Variants in GMDS observed in about 807,000 individuals in gnomAD.
The protein encoded by GMDS is GDP-mannose 4,6 dehydratase.
GMDS carries 20 observed loss-of-function variants against 49.9 expected under a neutral mutation model. The ratio of observed to expected loss-of-function variants is 0.40; its 90% CI spans 0.28 to 0.58. The LOEUF (loss-of-function observed/expected upper bound fraction) is 0.58, where lower values mean the gene tolerates loss of function less well. Ranked by LOEUF, GMDS falls within the 20% of genes least tolerant of loss-of-function variation. The probability of loss-of-function intolerance (pLI) is 0.42; values close to 1 mark genes in which losing one functional copy is unlikely to be tolerated. For synonymous variants in GMDS, 177 were observed against 178.6 expected, an observed-to-expected ratio of 0.99 and a Z score of 0.07; for missense variants, 362 against 481.4, an observed-to-expected ratio of 0.75 and a Z score of 2.32.
chr6:2,025,355 GGGGTGTGT>G (rs1488633193), intron 4 of GMDS, among the ~76,000 whole-genome samples: 208 of 120,244 alleles, frequency 1.7e-3, no homozygotes, highest in African/African-American at 6.5e-3. Flanking sequence ...ATCTGATGGT[GGGGTGTGT>G]GTGTGTGTGT....
intron 7 of GMDS, among the ~76,000 whole-genome samples, chr6:1,866,204 G>A (rs1250079998): frequency 6.6e-6 from 1 of 152,170 alleles, no homozygotes; most frequent in Non-Finnish European, 1.5e-5. Context: ...TGTTTAAAAT[G>A]TTTATATAGT....
chr6:1,671,956 C>T (rs1382226210), intron 9 of GMDS, among the ~76,000 whole-genome samples: 1 of 152,128 alleles, frequency 6.6e-6, no homozygotes. Context: ...AACCACCGCG[C>T]CTGGCCTATT....
At chr6:1,791,130 T>C (rs1335908292) in intron 7 of GMDS, among the ~76,000 whole-genome samples, 1 of 152,116 alleles carries the variant, frequency 6.6e-6, no homozygotes, top group Non-Finnish European at 1.5e-5. Flanking sequence ...GGAAACAGAT[T>C]CTCCCCCAGA....
intron 7 of GMDS, among the ~76,000 whole-genome samples, chr6:1,820,854 A>G (rs1408973568): frequency 6.6e-6 from 1 of 152,194 alleles, no homozygotes; most frequent in African/African-American, 2.4e-5. Context: ...ATCAGTTGAG[A>G]TTTCTCTGCC....
intron 9 of GMDS, among the ~76,000 whole-genome samples, chr6:1,687,438 G>A (rs747170898): frequency 9.9e-5 from 15 of 152,222 alleles, no homozygotes; most frequent in Non-Finnish European, 2.2e-4. Context: ...GTCAGGAGCT[G>A]CATTCAGGCC....
intron 9 of GMDS, among the ~76,000 whole-genome samples, chr6:1,704,146 C>T (rs1020217583): frequency 2.0e-5 from 3 of 152,242 alleles, no homozygotes; most frequent in East Asian, 3.9e-4. Context: ...ACAAGATCAA[C>T]GCTGATGATA....
chr6:1,880,494 G>A (rs886826838), intron 7 of GMDS, among the ~76,000 whole-genome samples: 1 of 152,068 alleles, frequency 6.6e-6, no homozygotes, highest in Non-Finnish European at 1.5e-5. Context: ...AAAAATGTAA[G>A]TGAGCTACGT....
intron 9 of GMDS, among the ~76,000 whole-genome samples, chr6:1,677,633 C>A (rs990224788): frequency 6.6e-6 from 1 of 152,030 alleles, no homozygotes; most frequent in African/African-American, 2.4e-5. Context: ...AGGATGAGTT[C>A]ATGTCTTTTG....
intron 2 of GMDS, among the ~76,000 whole-genome samples, chr6:2,121,581 C>A (rs998497417): frequency 6.6e-6 from 1 of 152,188 alleles, no homozygotes. Flanking sequence ...CAAGGCCCCA[C>A]GGCTTCAGGA....
chr6:2,063,561 A>G (rs1015408106), intron 4 of GMDS, among the ~76,000 whole-genome samples: 1 of 152,224 alleles, frequency 6.6e-6, no homozygotes, highest in Admixed American at 6.5e-5. Context: ...ACTATAATAA[A>G]TGTTAATATG....
chr6:1,995,635 G>A (rs1240522071), intron 4 of GMDS, among the ~76,000 whole-genome samples: 1 of 152,154 alleles, frequency 6.6e-6, no homozygotes, highest in Non-Finnish European at 1.5e-5. Flanking sequence ...GCCCCCAGCT[G>A]CACTGTCAAA....
chr6:1,973,525 T>C (rs896607005), intron 4 of GMDS, among the ~76,000 whole-genome samples: 1 of 152,068 alleles, frequency 6.6e-6, no homozygotes, highest in African/African-American at 2.4e-5. Context: ...AAGAGATAAA[T>C]AGAAGATTTA....
intron 7 of GMDS, among the ~76,000 whole-genome samples, chr6:1,867,134 G>A (rs1157955909): frequency 6.6e-6 from 1 of 152,130 alleles, no homozygotes. Flanking sequence ...CAATTCTGGT[G>A]AAATCTTTAA....
intron 7 of GMDS, among the ~76,000 whole-genome samples, chr6:1,914,272 C>T (rs1405542690): frequency 2.0e-5 from 3 of 150,012 alleles, no homozygotes; most frequent in Admixed American, 6.7e-5. Context: ...CTGGCTAACA[C>T]GGTGAAACCC....
At chr6:2,110,875 C>G (rs1009642014) in intron 4 of GMDS, among the ~76,000 whole-genome samples, 1 of 152,104 alleles carries the variant, frequency 6.6e-6, no homozygotes, top group African/African-American at 2.4e-5. Flanking sequence ...GTTTGTAACG[C>G]TGAGAAAGAA....
intron 7 of GMDS, among the ~76,000 whole-genome samples, chr6:1,886,468 T>C (rs1200691320): frequency 6.6e-6 from 1 of 152,190 alleles, no homozygotes; most frequent in Non-Finnish European, 1.5e-5. Context: ...GGCCTATAAA[T>C]CTAATAGTTA....
At chr6:1,819,671 G>GAATT (rs2113700014) in intron 7 of GMDS, among the ~76,000 whole-genome samples, 1 of 150,268 alleles carries the variant, frequency 6.7e-6, no homozygotes, top group South Asian at 2.1e-4. Flanking sequence ...AGAGGCAGGA[G>GAATT]AATTGCTTGA....
intron 1 of GMDS, among the ~76,000 whole-genome samples, chr6:2,179,397 C>A (rs1778421489): frequency 6.6e-6 from 1 of 152,130 alleles, no homozygotes; most frequent in South Asian, 2.1e-4. Context: ...AAACTTAATG[C>A]CCACTGTGGT....
In GMDS at chr6:1,726,430, G is replaced by A; in HGVS notation, c.973C>T (p.Arg325Trp). 1 of 1,611,936 alleles carries A rather than the reference G, an allele frequency of 6.2e-7. No individual in the cohort carries two copies. ...VHVTVDLKYY[R>W]PTEVDFLQGD... ...AGAGTCCTTACCACTTCAGTTGGCC[G>A]GTAGTACTTGAGATCCACAGTCACG... The change falls in exon 9 of 11, where the codon CGG becomes TGG. Residue 325 changes from arginine (R) to tryptophan (W), a missense_variant. Coordinates refer to ENST00000380815, the MANE Select transcript of GMDS (RefSeq NM_001500.4).
Sources: allele counts gnomAD v4.1 joint callset (sites outside exome capture counted in the v4.1 genomes callset), GRCh38; gene constraint gnomAD v4.1.1; transcripts MANE v1.5; gene names NCBI Gene and HGNC (gene_info 2026-07-23, HGNC 2026-07-21).